The following TNFRSF21 variants were observed in gnomAD, a reference collection of about 807,000 sequenced individuals.
TNFRSF21 encodes the protein TNF receptor superfamily member 21, also known as tumor necrosis factor receptor superfamily member 21.
A neutral mutation model predicts 45.6 loss-of-function variants in TNFRSF21; 19 were observed. The ratio of observed to expected loss-of-function variants is 0.42; its 90% CI spans 0.29 to 0.61. TNFRSF21 has a LOEUF of 0.61. Among genes scored for constraint, TNFRSF21 ranks in the 20% least tolerant of loss-of-function variants. The pLI, the probability that TNFRSF21 is intolerant of heterozygous loss-of-function variation, is 0.23. For missense variants in TNFRSF21, 737 were observed against 851.5 expected, an observed-to-expected ratio of 0.87 and a Z score of 1.67; for synonymous variants, 314 against 335.5, an observed-to-expected ratio of 0.94 and a Z score of 0.70.
chr6:47,238,043 C>CT (rs1464062723), intron 4 of TNFRSF21, among the ~76,000 whole-genome samples: 1 of 151,876 alleles, frequency 6.6e-6, no homozygotes, highest in Admixed American at 6.6e-5. Context: ...GAGTGAGACT[C>CT]TGTCTCAAAA....
intron 1 of TNFRSF21, among the ~76,000 whole-genome samples, chr6:47,309,020 G>A (rs1401498022): frequency 6.6e-6 from 1 of 152,128 alleles, no homozygotes; most frequent in African/African-American, 2.4e-5. Flanking sequence ...CCCACACCGC[G>A]GCGAGGCCCC....
chr6:47,288,693 C>T (rs1424352048), intron 1 of TNFRSF21, among the ~76,000 whole-genome samples: 1 of 152,204 alleles, frequency 6.6e-6, no homozygotes, highest in African/African-American at 2.4e-5. Flanking sequence ...GGAAGGCATG[C>T]ATTCAAGCTG....
chr6:47,270,011 G>A (rs528311254), intron 3 of TNFRSF21, among the ~76,000 whole-genome samples: 13 of 152,280 alleles, frequency 8.5e-5, no homozygotes, highest in African/African-American at 3.1e-4. Context: ...AGATTATCTT[G>A]TAAAACTTAA....
chr6:47,261,202 T>C (rs1483182403), intron 3 of TNFRSF21, among the ~76,000 whole-genome samples: 1 of 152,164 alleles, frequency 6.6e-6, no homozygotes, highest in East Asian at 1.9e-4. Context: ...ATACAGCAAC[T>C]ATACAAAGCA....
intron 3 of TNFRSF21, among the ~76,000 whole-genome samples, chr6:47,279,620 T>C (rs898542720): frequency 5.3e-5 from 8 of 152,182 alleles, no homozygotes; most frequent in African/African-American, 1.2e-4. Flanking sequence ...TAAATTGAAA[T>C]TTTTGGACCC....
Position 47,309,721 on chromosome 6 carries a change from GC to G in TNFRSF21, c.-211del. On this transcript the variant is annotated 5_prime_UTR_variant, in exon 1 of 6. An upstream open reading frame in the 5' UTR loses its in-frame stop. Transcript: ENST00000296861. ...TCAGCACCTGCCCAGCGGCGCGGCC[GC>G]CCAGGCGGGGAGAAGCCGCCGCGAC... The G allele has an allele frequency of 1.6e-6, 1 of 622,492 alleles. No individual in the cohort carries two copies. The highest frequency in any genetic ancestry group is 2.3e-6 in the Non-Finnish European group (1 of 427,688). The allele number at this position is 622,492 out of a possible 1,614,324, so 38.6% of individuals were successfully genotyped here.
intron 3 of TNFRSF21, among the ~76,000 whole-genome samples, chr6:47,262,145 G>T (rs1765081525): frequency 6.6e-6 from 1 of 151,468 alleles, no homozygotes; most frequent in South Asian, 2.1e-4. Context: ...GAAAGAGAAA[G>T]AAAAAAAACA....
intron 1 of TNFRSF21, among the ~76,000 whole-genome samples, chr6:47,300,523 T>A (rs1762848750): frequency 1.3e-5 from 2 of 152,244 alleles, no homozygotes; most frequent in African/African-American, 4.8e-5. Context: ...TTATTTTTTT[T>A]AATTGCATTC....
rs758783784 is a variant in TNFRSF21, at chr6:47,232,840, A to G, written c.1893T>C (p.Ile631=). The G allele has an allele frequency of 9.3e-6, 15 of 1,614,028 alleles. No homozygotes were observed. Among genetic ancestry groups the G allele is most frequent in the Middle Eastern group, 1.6e-4 (1 of 6,084 alleles). Residue 631 remains isoleucine, a synonymous_variant, in exon 6 of 6, where the codon ATT becomes ATC. Coordinates refer to ENST00000296861, the MANE Select transcript of TNFRSF21 (RefSeq NM_014452.5). ...TGGCTTCCTGGCTCTTGACTCCAAT[A>G]ATTTCGAATAGCCGGTCTAGTTTGT... ...AEDKLDRLFE[I]IGVKSQEASQ...
chr6:47,303,883 G>A (rs1448161256), intron 1 of TNFRSF21, among the ~76,000 whole-genome samples: 1 of 152,244 alleles, frequency 6.6e-6, no homozygotes, highest in East Asian at 1.9e-4. Flanking sequence ...CTCAGCAGCT[G>A]TTGCTGCTAC....
chr6:47,273,369 T>A (rs1372601632), intron 3 of TNFRSF21, among the ~76,000 whole-genome samples: 1 of 152,168 alleles, frequency 6.6e-6, no homozygotes, highest in Non-Finnish European at 1.5e-5. Context: ...CATATGCAAA[T>A]CAATAAATGT....
intron 3 of TNFRSF21, among the ~76,000 whole-genome samples, chr6:47,261,052 G>A (rs934183515): frequency 6.6e-6 from 1 of 152,068 alleles, no homozygotes; most frequent in African/African-American, 2.4e-5. Flanking sequence ...TGTACACATG[G>A]AAGACGGGAG....
At position 47,294,422 on chromosome 6, in the gene TNFRSF21, G is replaced by A. The variant is rs148964495; in HGVS notation, c.97-7827C>T. On this transcript the variant is annotated intron_variant, in intron 1 of 5. Coordinates refer to ENST00000296861, the MANE Select transcript of TNFRSF21 (RefSeq NM_014452.5). The stretch of plus-strand genomic sequence containing the variant: ...CTTCCAAAGTGCTGGGATTACAGGC[G>A]TGAGCCAACGCGCCCGGCTGCGCAC... Among the ~76,000 whole-genome samples, 677 of 152,314 alleles carry A rather than the reference G, an allele frequency of 4.4e-3. 3 individuals carry two copies. The highest frequency in any genetic ancestry group is 0.015 in the African/African-American group (637 of 41,582).
intron 3 of TNFRSF21, among the ~76,000 whole-genome samples, chr6:47,259,735 AG>A (rs1765044159): frequency 6.6e-6 from 1 of 152,118 alleles, no homozygotes; most frequent in Non-Finnish European, 1.5e-5. Flanking sequence ...GAAGTTTCTG[AG>A]GAGGTCATCA....
chr6:47,289,434 G>A (rs556726418), intron 1 of TNFRSF21, among the ~76,000 whole-genome samples: 73 of 152,042 alleles, frequency 4.8e-4, no homozygotes, highest in Admixed American at 2.9e-3. Flanking sequence ...GCTTATGAGG[G>A]TATATTCATT....
chr6:47,257,392 G>A (rs559723915), intron 3 of TNFRSF21, among the ~76,000 whole-genome samples: 8 of 152,252 alleles, frequency 5.3e-5, no homozygotes, highest in Admixed American at 1.3e-4. Flanking sequence ...GGCTGGGGTC[G>A]CCAATGTTCT....
intron 3 of TNFRSF21, among the ~76,000 whole-genome samples, chr6:47,273,770 C>T (rs920191054): frequency 6.6e-6 from 1 of 152,120 alleles, no homozygotes; most frequent in Non-Finnish European, 1.5e-5. Flanking sequence ...ATCCCATCAT[C>T]TCAGCCCCAA....
At chr6:47,294,435 C>T (rs922621465) in intron 1 of TNFRSF21, among the ~76,000 whole-genome samples, 2 of 152,220 alleles carry the variant, frequency 1.3e-5, no homozygotes, top group Non-Finnish European at 2.9e-5. Flanking sequence ...AGCCAACGCG[C>T]CCGGCTGCGC....
chr6:47,304,867 A>T (rs1344235064), intron 1 of TNFRSF21, among the ~76,000 whole-genome samples: 1 of 152,182 alleles, frequency 6.6e-6, no homozygotes, highest in Non-Finnish European at 1.5e-5. Context: ...AACAGTTCAG[A>T]TGACAGAGCT....
Sources: allele counts gnomAD v4.1 joint callset (sites outside exome capture counted in the v4.1 genomes callset), GRCh38; gene constraint gnomAD v4.1.1; transcripts MANE v1.5; gene names NCBI Gene and HGNC (gene_info 2026-07-23, HGNC 2026-07-21).